The following NELL2 variants were observed in gnomAD, a reference collection of about 807,000 sequenced individuals.
The protein encoded by NELL2 is neural EGFL like 2, also known as protein kinase C-binding protein NELL2.
NELL2 carries 41 observed loss-of-function variants against 109.6 expected under a neutral mutation model. That is an observed-to-expected ratio of 0.37 (90% CI 0.29 to 0.49). The LOEUF is 0.49. NELL2 is among the 20% of genes least tolerant of loss of function. The pLI is 0.98. For missense variants in NELL2, 900 were observed against 1,008.3 expected, an observed-to-expected ratio of 0.89 and a Z score of 1.45; for synonymous variants, 355 against 344.7, an observed-to-expected ratio of 1.03 and a Z score of -0.33.
At chr12:44,718,480 G>A (rs1019568504) in intron 9 of NELL2, among the ~76,000 whole-genome samples, 1 of 152,146 alleles carries the variant, frequency 6.6e-6, no homozygotes, top group Admixed American at 6.5e-5. Context: ...TACAGCCAGA[G>A]GCTTCATTTC....
chr12:44,634,734 T>C (rs1946573305), intron 13 of NELL2, among the ~76,000 whole-genome samples: 1 of 152,214 alleles, frequency 6.6e-6, no homozygotes, highest in South Asian at 2.1e-4. Context: ...TCTAGATCCT[T>C]GAGGAATCAC....
intron 2 of NELL2, among the ~76,000 whole-genome samples, chr12:44,873,744 CAA>C (rs35182533): frequency 2.6e-4 from 38 of 146,572 alleles, no homozygotes; most frequent in Middle Eastern, 3.5e-3. Context: ...ACAACAACAA[CAA>C]AAAAAAAAAA....
At chr12:44,684,067 A>C (rs1441582338) in intron 12 of NELL2, among the ~76,000 whole-genome samples, 1 of 152,174 alleles carries the variant, frequency 6.6e-6, no homozygotes, top group Admixed American at 6.5e-5. Context: ...TTTGGTTGGT[A>C]AGCTATTGAT....
At chr12:44,512,875 A>T (rs1479807753) in intron 19 of NELL2, among the ~76,000 whole-genome samples, 1 of 152,176 alleles carries the variant, frequency 6.6e-6, no homozygotes, top group East Asian at 1.9e-4. Context: ...GCTAGATAGG[A>T]GGAATAAGTT....
At chr12:44,840,560 C>T (rs1186341483) in intron 2 of NELL2, among the ~76,000 whole-genome samples, 2 of 151,904 alleles carry the variant, frequency 1.3e-5, no homozygotes, top group Non-Finnish European at 2.9e-5. Context: ...TGGTGAGAAC[C>T]CGGGAGGCGG....
chr12:44,677,303 C>G (rs1948352017), intron 12 of NELL2, among the ~76,000 whole-genome samples: 1 of 152,060 alleles, frequency 6.6e-6, no homozygotes, highest in African/African-American at 2.4e-5. Context: ...ATGGTAATCA[C>G]TGAAGTTTTT....
At chr12:44,767,264 A>C (rs1355692431) in intron 9 of NELL2, among the ~76,000 whole-genome samples, 2 of 152,186 alleles carry the variant, frequency 1.3e-5, no homozygotes, top group Non-Finnish European at 2.9e-5. Context: ...ACTATTTCTC[A>C]TTAAAAGATC....
At chr12:44,585,471 G>C (rs542286910) in intron 15 of NELL2, among the ~76,000 whole-genome samples, 2 of 152,026 alleles carry the variant, frequency 1.3e-5, no homozygotes, top group Admixed American at 1.3e-4. Flanking sequence ...GTGTGGTGGT[G>C]GGGGCCTGTA....
chr12:44,732,586 G>C (rs1379336565), intron 9 of NELL2, among the ~76,000 whole-genome samples: 3 of 151,936 alleles, frequency 2.0e-5, no homozygotes, highest in Non-Finnish European at 4.4e-5. Flanking sequence ...CATAAGTCCT[G>C]AAGCTAAGAA....
At chr12:44,919,684 G>C (rs1182259633) in intron 1 of NELL2, among the ~76,000 whole-genome samples, 1 of 152,152 alleles carries the variant, frequency 6.6e-6, no homozygotes, top group Non-Finnish European at 1.5e-5. Flanking sequence ...CAAAACACTG[G>C]AAGCTAGGAA....
chr12:44,876,946 G>C, upstream of NELL2: 1 of 1,191,626 alleles, frequency 8.4e-7, no homozygotes. Flanking sequence ...TCCCCGGCGC[G>C]GAGAGCTTCC....
chr12:44,698,957 A>G (rs1949140313), intron 12 of NELL2, among the ~76,000 whole-genome samples: 1 of 152,176 alleles, frequency 6.6e-6, no homozygotes, highest in Non-Finnish European at 1.5e-5. Context: ...GAAACTTACA[A>G]AATGACTCCA....
chr12:44,716,826 T>G (rs954578485), intron 9 of NELL2, among the ~76,000 whole-genome samples: 8 of 151,920 alleles, frequency 5.3e-5, no homozygotes, highest in Admixed American at 1.3e-4. Flanking sequence ...AAGGAAACAT[T>G]GTAAAAAAAA....
At position 44,876,304 on chromosome 12, in the gene NELL2, G is replaced by A; in HGVS notation, c.-435C>T. 8.5e-7 allele frequency: 1 copy of A among 1,178,732 alleles called. No homozygotes were observed. The highest frequency in any genetic ancestry group is 2.9e-5 in the South Asian group (1 of 34,712). 73.0% of individuals were successfully genotyped at this position (1,178,732 alleles called of 1,614,324 possible). On this transcript the variant is annotated 5_prime_UTR_variant, in exon 1 of 20. Coordinates refer to ENST00000429094, the MANE Select transcript of NELL2 (RefSeq NM_001145108.2). ...CCCCGCCGCCCGAACCTGTTGTAAA[G>A]GCAGAGACAATGGAGAAAGCTCCGG...
rs76872069 is a variant in NELL2 at position 44,756,236 on chromosome 12, T to G, written c.994+18511A>C. Among the ~76,000 whole-genome samples, 271 of 152,272 alleles carry G rather than the reference T, an allele frequency of 1.8e-3. 6 individuals carry two copies. The East Asian group carries it at 0.032, about 18-fold the overall frequency. ...TCGAATTCTTCAATTATGCTCTGAATCCTATGCTTTCTGCCCTATTTGCAC... is the reference window on the plus strand; with the variant it reads ...TCGAATTCTTCAATTATGCTCTGAAGCCTATGCTTTCTGCCCTATTTGCAC... On this transcript the variant is annotated intron_variant, in intron 9 of 19. Coordinates refer to ENST00000429094, the MANE Select transcript of NELL2 (RefSeq NM_001145108.2).
intron 9 of NELL2, among the ~76,000 whole-genome samples, chr12:44,761,814 T>G (rs1399565164): frequency 1.3e-5 from 2 of 152,052 alleles, no homozygotes; most frequent in South Asian, 4.1e-4. Flanking sequence ...CACTTATAAG[T>G]AGGAGCTAAA....
At chr12:44,620,585 T>A (rs975048303) in intron 13 of NELL2, among the ~76,000 whole-genome samples, 11 of 152,074 alleles carry the variant, frequency 7.2e-5, no homozygotes, top group African/African-American at 2.4e-4. Flanking sequence ...TGTCCTCAGA[T>A]TTCCCATCCA....
chr12:44,845,700 G>A (rs760855436), intron 2 of NELL2, among the ~76,000 whole-genome samples: 34 of 152,154 alleles, frequency 2.2e-4, no homozygotes, highest in South Asian at 2.1e-4. Flanking sequence ...TTAAGATTTG[G>A]AACTTTGTGA....
At chr12:44,807,314 G>A (rs1055510308) in intron 3 of NELL2, among the ~76,000 whole-genome samples, 16 of 117,744 alleles carry the variant, frequency 1.4e-4, no homozygotes, top group African/African-American at 5.0e-4. Flanking sequence ...TTATACATTT[G>A]ATGGATTTTG....
Sources: allele counts gnomAD v4.1 joint callset (sites outside exome capture counted in the v4.1 genomes callset), GRCh38; gene constraint gnomAD v4.1.1; transcripts MANE v1.5; gene names NCBI Gene and HGNC (gene_info 2026-07-23, HGNC 2026-07-21).